MAGI1: variants seen among roughly 807,000 people sequenced by gnomAD.
The protein encoded by MAGI1 is membrane-associated guanylate kinase, WW and PDZ domain-containing protein 1.
In MAGI1, 58 loss-of-function variants were observed where a neutral mutation model predicts 139.9. That is an observed-to-expected ratio of 0.41 (90% CI 0.34 to 0.52). The LOEUF is 0.52. MAGI1 is among the 20% of genes least tolerant of loss of function. MAGI1 has a pLI of 0.12. For synonymous variants in MAGI1, 812 were observed against 737.9 expected, an observed-to-expected ratio of 1.10 and a Z score of -1.63; for missense variants, 1,874 against 1,901.6, an observed-to-expected ratio of 0.99 and a Z score of 0.27.
intron 14 of MAGI1, among the ~76,000 whole-genome samples, chr3:65,388,989 G>A (rs1032106165): frequency 2.6e-5 from 4 of 151,338 alleles, no homozygotes; most frequent in African/African-American, 4.9e-5. Flanking sequence ...GACTACAGGC[G>A]CACGCCACCA....
At chr3:66,010,417 G>T (rs767613069) in intron 1 of MAGI1, among the ~76,000 whole-genome samples, 9 of 152,026 alleles carry the variant, frequency 5.9e-5, no homozygotes, top group Admixed American at 6.6e-5. Context: ...CTTGAACTAC[G>T]GAACTCTTAG....
intron 1 of MAGI1, chr3:65,924,981 C>T (rs995130125): frequency 6.6e-6 from 1 of 152,176 alleles, no homozygotes; most frequent in South Asian, 2.1e-4. Flanking sequence ...TTACATATGC[C>T]GGTCTTAGCC....
rs746906102 is a variant in MAGI1 at position 65,364,887 on chromosome 3, GTGT to G, written c.3253_3255del (p.Thr1085del). 9.9e-6 allele frequency: 16 copies of G among 1,614,084 alleles called. No homozygotes were observed. Among genetic ancestry groups the G allele is most frequent in the Non-Finnish European group, 1.4e-5 (16 of 1,179,978 alleles). On this transcript the variant is annotated inframe_deletion, in exon 19 of 23. Transcript: ENST00000402939. ...TGGGTCCCTTGCTGAGAAGGGGTGT[GTGT>G]GGTGGTGATGGTGGCAATCTTCTCT...
intron 1 of MAGI1, among the ~76,000 whole-genome samples, chr3:65,867,409 C>G (rs2059767086): frequency 6.6e-6 from 1 of 152,176 alleles, no homozygotes; most frequent in Non-Finnish European, 1.5e-5. Flanking sequence ...GCTTTTCTGG[C>G]ATCATCAACC....
At chr3:65,465,382 T>C (rs959207939) in intron 5 of MAGI1, among the ~76,000 whole-genome samples, 42 of 151,932 alleles carry the variant, frequency 2.8e-4, no homozygotes, top group Non-Finnish European at 4.9e-4. Context: ...AATTCTCTTT[T>C]TGTTTAGAGA....
chr3:65,594,416 C>G (rs1000123233), intron 2 of MAGI1, among the ~76,000 whole-genome samples: 1 of 152,086 alleles, frequency 6.6e-6, no homozygotes, highest in African/African-American at 2.4e-5. Flanking sequence ...TCAACAAGAC[C>G]GAGGAAGCAA....
At chr3:65,907,807 C>A (rs1057208207) in intron 1 of MAGI1, 6 of 152,202 alleles carry the variant, frequency 3.9e-5, no homozygotes, top group African/African-American at 1.4e-4. Flanking sequence ...CTTGTTCCTG[C>A]CTCAGAGTCT....
intron 1 of MAGI1, among the ~76,000 whole-genome samples, chr3:65,894,572 G>C (rs11716170): frequency 0.024 from 3,663 of 152,206 alleles, 70 homozygotes; most frequent in Middle Eastern, 0.044. Context: ...CATTTTCTTT[G>C]TTGTTGTAAT....
chr3:66,021,082 T>C (rs2067934321), intron 1 of MAGI1, among the ~76,000 whole-genome samples: 1 of 152,212 alleles, frequency 6.6e-6, no homozygotes, highest in African/African-American at 2.4e-5. Context: ...GATCTGTAAC[T>C]GTCCTCACTA....
intron 1 of MAGI1, among the ~76,000 whole-genome samples, chr3:65,768,345 G>A (rs991220866): frequency 8.6e-5 from 13 of 152,036 alleles, no homozygotes; most frequent in African/African-American, 1.9e-4. Flanking sequence ...ACTTGAACCC[G>A]GAAGGCAGAG....
chr3:65,745,932 G>A (rs1368840351), intron 1 of MAGI1, among the ~76,000 whole-genome samples: 5 of 152,198 alleles, frequency 3.3e-5, no homozygotes, highest in Non-Finnish European at 5.9e-5. Flanking sequence ...GATTTGCCAT[G>A]TTGCCCAGGC....
chr3:65,389,007 C>T (rs1943679195), intron 14 of MAGI1, among the ~76,000 whole-genome samples: 1 of 151,804 alleles, frequency 6.6e-6, no homozygotes, highest in Admixed American at 6.6e-5. Flanking sequence ...CCACACCCGG[C>T]TAATTTTTGT....
At chr3:65,814,173 C>T (rs970178669) in intron 1 of MAGI1, among the ~76,000 whole-genome samples, 2 of 152,056 alleles carry the variant, frequency 1.3e-5, no homozygotes, top group African/African-American at 4.8e-5. Context: ...ATATAGATTA[C>T]TCTGCCAGAC....
chr3:65,962,830 G>A (rs200345672), intron 1 of MAGI1, among the ~76,000 whole-genome samples: 5,214 of 58,972 alleles, frequency 0.088, 232 homozygotes, highest in East Asian at 0.21. Flanking sequence ...GTCTCGGGGG[G>A]AAAAAAAAAA....
intron 1 of MAGI1, among the ~76,000 whole-genome samples, chr3:65,813,685 CAGAAATAATG>C (rs2041424937): frequency 6.6e-6 from 1 of 152,084 alleles, no homozygotes; most frequent in Non-Finnish European, 1.5e-5. Context: ...ATTTATCCTA[CAGAAATAATG>C]AGAAATACGC....
chr3:65,843,771 G>T, intron 1 of MAGI1: 1 of 172,214 alleles, frequency 5.8e-6, no homozygotes, highest in Non-Finnish European at 1.2e-5. Context: ...GGAACTAAAA[G>T]AAAGCAAGGT....
At chr3:65,881,172 C>G (rs2108526562) in intron 1 of MAGI1, among the ~76,000 whole-genome samples, 1 of 152,248 alleles carries the variant, frequency 6.6e-6, no homozygotes, top group East Asian at 1.9e-4. Context: ...AGAAATGAGC[C>G]ACTCTGGCAT....
chr3:65,364,768 A>C, intron 19 of MAGI1, 43 bp from the exon 20 acceptor site: 1 of 1,608,828 alleles, frequency 6.2e-7, no homozygotes, highest in Non-Finnish European at 8.5e-7. Context: ...ACCCATTAGC[A>C]AACTGAGAAA....
chr3:65,577,521 C>T (rs540011449), intron 2 of MAGI1, among the ~76,000 whole-genome samples: 12 of 152,200 alleles, frequency 7.9e-5, no homozygotes, highest in African/African-American at 2.6e-4. Context: ...AATTCTGTGC[C>T]GGTGGTGAGT....
Sources: allele counts gnomAD v4.1 joint callset (sites outside exome capture counted in the v4.1 genomes callset), GRCh38; gene constraint gnomAD v4.1.1; transcripts MANE v1.5; gene names NCBI Gene and HGNC (gene_info 2026-07-23, HGNC 2026-07-21).